The following XIRP2 variants were observed in gnomAD, a reference collection of about 807,000 sequenced individuals.
The protein encoded by XIRP2 is xin actin binding repeat containing 2.
XIRP2 carries 236 observed loss-of-function variants against 277.0 expected under a neutral mutation model. The ratio of observed to expected loss-of-function variants is 0.85; its 90% CI spans 0.77 to 0.95. The LOEUF (loss-of-function observed/expected upper bound fraction) is 0.95, where lower values mean the gene tolerates loss of function less well. Among genes scored for constraint, XIRP2 ranks in the 40% least tolerant of loss-of-function variants. XIRP2 has a pLI of 0.00. For synonymous variants in XIRP2, 1,490 were observed against 1,416.5 expected, an observed-to-expected ratio of 1.05 and a Z score of -1.17; for missense variants, 4,640 against 4,157.5, an observed-to-expected ratio of 1.12 and a Z score of -3.19.
At chr2:167,087,526 T>C (rs1286473569) in intron 2 of XIRP2, among the ~76,000 whole-genome samples, 3 of 150,640 alleles carry the variant, frequency 2.0e-5, no homozygotes, top group South Asian at 2.1e-4. Flanking sequence ...CAATGGCGGG[T>C]GCCCCTCACC....
At chr2:167,129,784 CA>C (rs955193393) in intron 2 of XIRP2, among the ~76,000 whole-genome samples, 1 of 150,542 alleles carries the variant, frequency 6.6e-6, no homozygotes, top group African/African-American at 2.4e-5. Context: ...GCAGGAGAAT[CA>C]CTTGAACCTG....
chr2:167,235,083 T>C (rs1440710743), intron 5 of XIRP2, among the ~76,000 whole-genome samples: 1 of 151,890 alleles, frequency 6.6e-6, no homozygotes, highest in Non-Finnish European at 1.5e-5. Flanking sequence ...TATTTTAGAT[T>C]CAGGAGGGTA....
chr2:167,114,138 G>C (rs1304405947), intron 2 of XIRP2, among the ~76,000 whole-genome samples: 1 of 152,082 alleles, frequency 6.6e-6, no homozygotes, highest in Non-Finnish European at 1.5e-5. Context: ...ATCTTGCAGG[G>C]GGTTTCTGCA....
chr2:167,246,755 C>A lies in XIRP2; in HGVS notation c.5363C>A (p.Thr1788Lys). The A allele has an allele frequency of 6.2e-7, 1 of 1,613,752 alleles. No homozygotes were observed. The highest frequency in any genetic ancestry group is 8.5e-7 in the Non-Finnish European group (1 of 1,179,812). ...KEIIGGDVEG[T>K]KLLLKKRQSL... ...ATCATTGGTGGTGATGTTGAAGGTA[C>A]AAAACTGTTACTGAAGAAAAGGCAG... is the stretch of plus-strand genomic sequence containing the variant. The change falls in exon 9 of 11, where the codon ACA (threonine) becomes AAA (lysine). Residue 1788 changes from threonine (T) to lysine (K), a missense_variant. By Grantham distance (78) the Thr-to-Lys change is moderately conservative. Coordinates refer to ENST00000409195, the MANE Select transcript of XIRP2 (RefSeq NM_152381.6).
intron 3 of XIRP2, among the ~76,000 whole-genome samples, chr2:167,188,724 C>T (rs1248834722): frequency 6.6e-6 from 1 of 152,168 alleles, no homozygotes; most frequent in Non-Finnish European, 1.5e-5. Flanking sequence ...ACAACTAGGT[C>T]CATTTCTAAA....
chr2:167,093,190 T>C (rs1655468009), intron 2 of XIRP2, among the ~76,000 whole-genome samples: 1 of 151,838 alleles, frequency 6.6e-6, no homozygotes, highest in Admixed American at 6.6e-5. Flanking sequence ...TGATAGAACA[T>C]AATTGAGGTC....
intron 3 of XIRP2, among the ~76,000 whole-genome samples, chr2:167,145,518 A>G (rs918492273): frequency 2.0e-5 from 3 of 152,212 alleles, no homozygotes; most frequent in Non-Finnish European, 4.4e-5. Context: ...CAGTGAGATT[A>G]TATCATAATA....
chr2:166,922,755 CAAAA>C (rs1316320624), intron 2 of XIRP2, among the ~76,000 whole-genome samples: 3 of 147,394 alleles, frequency 2.0e-5, no homozygotes, highest in Non-Finnish European at 4.5e-5. Context: ...GACTCCATCT[CAAAA>C]GAAAAAAAAA....
chr2:167,214,701 G>C (rs1172764202), intron 4 of XIRP2, among the ~76,000 whole-genome samples: 1 of 151,864 alleles, frequency 6.6e-6, no homozygotes, highest in Non-Finnish European at 1.5e-5. Flanking sequence ...CAAATAGCTG[G>C]AATTACAGGC....
intron 3 of XIRP2, among the ~76,000 whole-genome samples, chr2:167,174,792 C>T (rs1692790329): frequency 6.6e-6 from 1 of 152,174 alleles, no homozygotes; most frequent in Non-Finnish European, 1.5e-5. Flanking sequence ...AGTCTTTGTT[C>T]TCACTAGTTT....
intron 2 of XIRP2, among the ~76,000 whole-genome samples, chr2:167,016,779 T>C (rs1413001861): frequency 1.3e-5 from 2 of 151,890 alleles, no homozygotes; most frequent in African/African-American, 4.8e-5. Flanking sequence ...GGATGGAGTA[T>C]GAAGATTCTC....
intron 2 of XIRP2, among the ~76,000 whole-genome samples, chr2:166,964,275 A>G (rs888454065): frequency 6.6e-6 from 1 of 151,830 alleles, no homozygotes; most frequent in African/African-American, 2.4e-5. Context: ...TGTATTAATC[A>G]TATTGTCATT....
chr2:167,025,217 T>C (rs537934596), intron 2 of XIRP2, among the ~76,000 whole-genome samples: 316 of 152,336 alleles, frequency 2.1e-3, no homozygotes, highest in Admixed American at 5.0e-3. Flanking sequence ...ATCCATTTCT[T>C]CTAGATTTTC....
At chr2:167,037,611 T>A (rs1446649509) in intron 2 of XIRP2, among the ~76,000 whole-genome samples, 1 of 151,716 alleles carries the variant, frequency 6.6e-6, no homozygotes, top group Non-Finnish European at 1.5e-5. Flanking sequence ...GATTTAAATC[T>A]AATTGAAGTA....
At chr2:167,197,907 C>T (rs76028519) in intron 3 of XIRP2, among the ~76,000 whole-genome samples, 7 of 151,918 alleles carry the variant, frequency 4.6e-5, no homozygotes, top group Non-Finnish European at 8.8e-5. Context: ...TTAATGTGCA[C>T]GGGAAAAATC....
chr2:166,915,560 T>C (rs1436198831), intron 2 of XIRP2, among the ~76,000 whole-genome samples: 1 of 152,124 alleles, frequency 6.6e-6, no homozygotes, highest in Non-Finnish European at 1.5e-5. Context: ...CCAGTTGCTG[T>C]CCATAGGTAT....
chr2:167,243,941 T>G lies in XIRP2; in HGVS notation c.2549T>G (p.Leu850Ter), dbSNP rs1022758045. 1.2e-6 allele frequency: 2 copies of G among 1,614,034 alleles called. No individual in the cohort carries two copies. Among genetic ancestry groups the G allele is most frequent in the East Asian group, 4.5e-5 (2 of 44,840 alleles). ...TGTTGGATGTTTGAAACCCAGCCAT[T>G]AGACATTCTAAAAGAAGTTCCTGAT... is the stretch of plus-strand genomic sequence containing the variant. ...RKCWMFETQPLDILKEVPDAD... is the reference protein window; with the variant it reads ...RKCWMFETQP Residue 850 changes from leucine (L) to a stop codon, truncating the protein, a stop_gained, in exon 9 of 11, where the codon TTA (leucine) becomes TGA (stop). Transcript: ENST00000409195. LOFTEE classifies it high-confidence loss of function.
chr2:167,160,069 A>G (rs1418726255), intron 3 of XIRP2, among the ~76,000 whole-genome samples: 1 of 152,190 alleles, frequency 6.6e-6, no homozygotes, highest in Non-Finnish European at 1.5e-5. Context: ...TCATATATAT[A>G]GGCAAAAAAA....
intron 2 of XIRP2, among the ~76,000 whole-genome samples, chr2:167,130,966 G>C (rs1047802216): frequency 1.3e-5 from 2 of 151,936 alleles, no homozygotes. Flanking sequence ...TGGGCCCCCA[G>C]TGCTGCACTG....
Sources: gnomAD v4.1 joint callset for allele counts (sites outside exome capture counted in the v4.1 genomes callset) on GRCh38, gnomAD v4.1.1 for gene constraint, MANE v1.5 for transcripts, NCBI Gene and HGNC (gene_info 2026-07-23, HGNC 2026-07-21) for gene names.